The following AUH variants were observed in gnomAD, a reference collection of about 807,000 sequenced individuals.
The protein encoded by AUH is methylglutaconyl-CoA hydratase, mitochondrial.
In AUH, 29 loss-of-function variants were observed where a neutral mutation model predicts 42.3. The observed-to-expected ratio is 0.69, with a 90% confidence interval of 0.51 to 0.93. AUH has a LOEUF of 0.93. Among genes scored for constraint, AUH ranks in the 40% least tolerant of loss-of-function variants. The pLI, the probability that AUH is intolerant of heterozygous loss-of-function variation, is 0.00. For missense variants in AUH, 452 were observed against 438.1 expected (o/e 1.03, Z -0.28); for synonymous variants, 174 against 166.4 (o/e 1.05, Z -0.35).
At chr9:91,269,488 T>C (rs1053925802) in intron 6 of AUH, among the ~76,000 whole-genome samples, 1 of 152,262 alleles carries the variant, frequency 6.6e-6, no homozygotes, top group African/African-American at 2.4e-5. Flanking sequence ...ATACTTAGAT[T>C]GAAAGATAAA....
At chr9:91,249,906 G>A (rs542298084) in intron 6 of AUH, among the ~76,000 whole-genome samples, 2 of 152,092 alleles carry the variant, frequency 1.3e-5, no homozygotes, top group East Asian at 3.9e-4. Flanking sequence ...CAGCTATTCA[G>A]GAGGCTGAGG....
At chr9:91,341,659 T>C (rs1021665503) in intron 3 of AUH, among the ~76,000 whole-genome samples, 1 of 152,222 alleles carries the variant, frequency 6.6e-6, no homozygotes, top group African/African-American at 2.4e-5. Flanking sequence ...AGTCATCCCA[T>C]GAACTATTTG....
intron 6 of AUH, among the ~76,000 whole-genome samples, chr9:91,262,824 A>T (rs918350314): frequency 3.9e-5 from 6 of 152,170 alleles, no homozygotes; most frequent in Admixed American, 6.5e-5. Context: ...TTTGTGAATA[A>T]GTTGTTTCTG....
At chr9:91,250,439 CAGG>C (rs910282144) in intron 6 of AUH, among the ~76,000 whole-genome samples, 6 of 152,232 alleles carry the variant, frequency 3.9e-5, no homozygotes, top group Non-Finnish European at 5.9e-5. Context: ...TCAGTTACAG[CAGG>C]AGAACTTGCC....
At position 91,356,304 on chromosome 9, in the gene AUH, A is replaced by C. The variant is rs1040937063; in HGVS notation, c.263-149T>G. 12 of 716,546 alleles carry C rather than the reference A, an allele frequency of 1.7e-5. No homozygotes were observed. The African/African-American group carries it at 2.0e-4, about 12-fold the overall frequency. The allele number at this position is 716,546 out of a possible 1,614,324, so 44.4% of individuals were successfully genotyped here. On this transcript the variant is annotated intron_variant, in intron 1 of 9. Transcript: ENST00000375731. ...CCCTTCAATCGATCTCTTCTTAAGC[A>C]CCAAGATAATTTGCAACATTTTGGT...
chr9:91,283,566 T>C (rs191360686), intron 6 of AUH, among the ~76,000 whole-genome samples: 24 of 152,296 alleles, frequency 1.6e-4, no homozygotes, highest in Admixed American at 3.3e-4. Flanking sequence ...GAAAACCCCA[T>C]TGTCTCAGCC....
chr9:91,284,724 G>A lies in AUH; in HGVS notation c.655+11297C>T, dbSNP rs956631332. Among the ~76,000 whole-genome samples, 5 of 152,096 alleles carry A rather than the reference G, an allele frequency of 3.3e-5. No individual in the cohort carries two copies. In the South Asian group the frequency reaches 8.3e-4, roughly 25 times the overall value. On this transcript the variant is annotated intron_variant, in intron 6 of 9. Coordinates refer to ENST00000375731, the MANE Select transcript of AUH (RefSeq NM_001698.3). ...ACACATGAAAAAATGCTGTATCACT[G>A]GCTATCAGAGAAATGCAAATCAAAA...
chr9:91,242,086 G>C (rs575821264), intron 6 of AUH, among the ~76,000 whole-genome samples: 7 of 152,264 alleles, frequency 4.6e-5, no homozygotes, highest in Non-Finnish European at 8.8e-5. Context: ...AGGCCTTCTC[G>C]GTCCTGCACA....
intron 4 of AUH, among the ~76,000 whole-genome samples, chr9:91,309,205 A>G (rs891772408): frequency 6.6e-6 from 1 of 151,856 alleles, no homozygotes; most frequent in Non-Finnish European, 1.5e-5. Context: ...TGAGGTCAGG[A>G]GCACCAACCC....
intron 6 of AUH, among the ~76,000 whole-genome samples, chr9:91,225,506 C>A (rs1278043959): frequency 6.6e-6 from 1 of 152,210 alleles, no homozygotes; most frequent in Non-Finnish European, 1.5e-5. Context: ...TTCCCTTAGG[C>A]ATCTGAATTC....
intron 6 of AUH, among the ~76,000 whole-genome samples, chr9:91,222,415 T>C (rs57417571): frequency 0.025 from 3,801 of 152,310 alleles, 75 homozygotes; most frequent in East Asian, 0.058. Context: ...ACTAATATTT[T>C]CAATACAGAC....
At chr9:91,240,085 G>A (rs141589601) in intron 6 of AUH, among the ~76,000 whole-genome samples, 33 of 152,172 alleles carry the variant, frequency 2.2e-4, no homozygotes, top group African/African-American at 7.5e-4. Flanking sequence ...ACAAAATTAC[G>A]CTTATTTTTC....
At chr9:91,278,041 T>C (rs1587750816) in intron 6 of AUH, among the ~76,000 whole-genome samples, 1 of 150,880 alleles carries the variant, frequency 6.6e-6, no homozygotes, top group Admixed American at 6.6e-5. Flanking sequence ...AGCAGGTGAG[T>C]TTTAATGATG....
intron 6 of AUH, among the ~76,000 whole-genome samples, chr9:91,249,591 T>C (rs1331465275): frequency 6.6e-6 from 1 of 152,160 alleles, no homozygotes; most frequent in Non-Finnish European, 1.5e-5. Flanking sequence ...TCAAATATCT[T>C]CTGTACCTTT....
Position 91,220,943 on chromosome 9 carries a change from C to T in AUH, c.705G>A (p.Glu235=). The T allele has an allele frequency of 6.2e-7, 1 of 1,614,210 alleles. No individual in the cohort carries two copies. The highest frequency in any genetic ancestry group is 8.5e-7 in the Non-Finnish European group (1 of 1,180,034). ...PRAIGMSLAK[E]LIFSARVLDG... The stretch of plus-strand genomic sequence containing the variant: ...CGAGGACTCGCGCAGAGAATATGAG[C>T]TCCTTGGCCAGGGACATTCCAATGG... The change falls in exon 7 of 10, where the codon GAG becomes GAA. Residue 235 remains glutamate (E), a synonymous_variant. Coordinates refer to ENST00000375731, the MANE Select transcript of AUH (RefSeq NM_001698.3).
At chr9:91,227,011 C>T in intron 6 of AUH, among the ~76,000 whole-genome samples, 1 of 151,696 alleles carries the variant, frequency 6.6e-6, no homozygotes, top group African/African-American at 2.4e-5. Flanking sequence ...GTTCTTTTGG[C>T]TTAGGAATGA....
intron 6 of AUH, among the ~76,000 whole-genome samples, chr9:91,270,956 A>C (rs1825075518): frequency 6.6e-6 from 1 of 152,234 alleles, no homozygotes; most frequent in Non-Finnish European, 1.5e-5. Flanking sequence ...ACTACCTTAT[A>C]AAAATACTAA....
At chr9:91,347,355 C>G (rs1441317652) in intron 3 of AUH, among the ~76,000 whole-genome samples, 3 of 152,200 alleles carry the variant, frequency 2.0e-5, no homozygotes, top group African/African-American at 7.2e-5. Context: ...CCGTGCCTGG[C>G]TCTGAACCCC....
chr9:91,215,539 G>A (rs912495230), intron 9 of AUH, among the ~76,000 whole-genome samples: 5 of 151,406 alleles, frequency 3.3e-5, no homozygotes, highest in Non-Finnish European at 5.9e-5. Flanking sequence ...TTTTTTTCCT[G>A]AATATTTTCA....
Sources: allele counts gnomAD v4.1 joint callset (sites outside exome capture counted in the v4.1 genomes callset), GRCh38; gene constraint gnomAD v4.1.1; transcripts MANE v1.5; gene names NCBI Gene and HGNC (gene_info 2026-07-23, HGNC 2026-07-21).